MAP4K4: variants seen among roughly 807,000 people sequenced by gnomAD.
MAP4K4 encodes the protein HPK/GCK-like kinase HGK.
Under a neutral mutation model 189.6 loss-of-function variants are expected in MAP4K4, and 38 were observed. That is an observed-to-expected ratio of 0.20 (90% CI 0.15 to 0.26). The LOEUF (loss-of-function observed/expected upper bound fraction) is 0.26, where lower values mean the gene tolerates loss of function less well. MAP4K4 is among the 10% of genes least tolerant of loss of function. The pLI, the probability that MAP4K4 is intolerant of heterozygous loss-of-function variation, is 1.00. For synonymous variants in MAP4K4, 610 were observed against 624.3 expected (o/e 0.98, Z 0.34); for missense variants, 1,054 against 1,726.9 (o/e 0.61, Z 6.91).
chr2:101,713,032 T>G (rs2046452327), intron 2 of MAP4K4, among the ~76,000 whole-genome samples: 1 of 151,168 alleles, frequency 6.6e-6, no homozygotes, highest in East Asian at 2.0e-4. Flanking sequence ...GCCTCCTGAG[T>G]AGCTGGAATT....
intron 2 of MAP4K4, among the ~76,000 whole-genome samples, chr2:101,730,909 C>T (rs1026228731): frequency 2.0e-5 from 3 of 151,550 alleles, no homozygotes; most frequent in Middle Eastern, 6.8e-3. Flanking sequence ...TAGCCGGGCA[C>T]GATGGCGGGC....
At position 101,839,853 on chromosome 2, in the gene MAP4K4, C is replaced by T. The variant is rs749282459; in HGVS notation, c.808C>T (p.Leu270=). 3.1e-6 allele frequency: 5 copies of T among 1,604,756 alleles called. No individual in the cohort carries two copies. In the East Asian group the frequency reaches 8.9e-5, roughly 29 times the overall value. Residue 270 remains leucine, a synonymous_variant, in exon 10 of 33, where the codon CTG becomes TTG. Coordinates refer to ENST00000324219, the Ensembl canonical transcript of MAP4K4. ...GTTTTTTAGTTTTATAGAAGGGTGC[C>T]TGGTGAAGAATTACATGCAGCGGCC...
At chr2:101,879,483 T>C (rs2098321227) in intron 27 of MAP4K4, among the ~76,000 whole-genome samples, 1 of 152,144 alleles carries the variant, frequency 6.6e-6, no homozygotes, top group Non-Finnish European at 1.5e-5. Flanking sequence ...AAACAAAACA[T>C]TATATATAAA....
intron 9 of MAP4K4, among the ~76,000 whole-genome samples, chr2:101,836,637 A>G (rs115182440): frequency 1.3e-3 from 203 of 152,248 alleles, no homozygotes; most frequent in African/African-American, 4.7e-3. Context: ...ATTTCCTCAC[A>G]TGTAGTAGGA....
rs2097576234 is a variant in MAP4K4, at chr2:101,859,612, T to C, written c.1483-31T>C. 3.3e-6 allele frequency: 5 copies of C among 1,507,092 alleles called. No individual in the cohort carries two copies. The African/African-American group carries it at 4.1e-5, about 12-fold the overall frequency. The allele number at this position is 1,507,092 out of a possible 1,614,324, so 93.4% of individuals were successfully genotyped here. A position where few individuals can be genotyped will look rare whatever the true frequency, so the allele number is the denominator to read the frequency against. On this transcript the variant is annotated intron_variant, in intron 14 of 32. Transcript: ENST00000324219. ...AAGAGGCGAGCTCTCCAGTGTCCCA[T>C]AGATTTAGTGTTATCCTCTCCCTCT...
chr2:101,862,497 G>A (rs963547534), intron 16 of MAP4K4, among the ~76,000 whole-genome samples: 2 of 152,144 alleles, frequency 1.3e-5, no homozygotes, highest in African/African-American at 2.4e-5. Flanking sequence ...ACTTTGCACT[G>A]CTTGAAGATT....
chr2:101,801,667 C>T (rs2148985104), intron 3 of MAP4K4, among the ~76,000 whole-genome samples: 1 of 152,302 alleles, frequency 6.6e-6, no homozygotes, highest in South Asian at 2.1e-4. Context: ...ATCCCAGATG[C>T]CAGCCAAAGG....
intron 12 of MAP4K4, among the ~76,000 whole-genome samples, chr2:101,846,556 C>G (rs184619405): frequency 6.6e-6 from 1 of 151,968 alleles, no homozygotes; most frequent in South Asian, 2.1e-4. Flanking sequence ...TGAAGGTGAG[C>G]GATGGTAGAA....
At chr2:101,731,386 G>A (rs367979704) in intron 2 of MAP4K4, among the ~76,000 whole-genome samples, 12 of 152,022 alleles carry the variant, frequency 7.9e-5, no homozygotes, top group African/African-American at 2.9e-4. Context: ...AAAGTGCTGG[G>A]ATTACAGGTG....
rs139186946 is a variant in MAP4K4 at position 101,745,021 on chromosome 2, A to G, written c.124-45699A>G. Reference sequence around the variant, plus strand: ...GTTGATGGTGCAGCATCACCTTTTTAGTATGCTGCTTCACTTACTGGATGA... The same window carrying G: ...GTTGATGGTGCAGCATCACCTTTTTGGTATGCTGCTTCACTTACTGGATGA... On this transcript the variant is annotated intron_variant, in intron 2 of 32. Coordinates refer to ENST00000324219, the Ensembl canonical transcript of MAP4K4. 6.6e-3 allele frequency among the ~76,000 whole-genome samples: 1,010 copies of G among 152,268 alleles called. 9 individuals carry two copies. Among genetic ancestry groups the G allele is most frequent in the African/African-American group, 0.024 (977 of 41,548 alleles).
At chr2:101,864,811 G>T in intron 17 of MAP4K4, 119 bp from the exon 18 acceptor site, 1 of 663,862 alleles carries the variant, frequency 1.5e-6, no homozygotes, top group Non-Finnish European at 2.7e-6. Flanking sequence ...GGGAGTGGAG[G>T]TGATAGGAAG....
At chr2:101,750,017 C>T (rs1421649323) in intron 2 of MAP4K4, among the ~76,000 whole-genome samples, 1 of 147,092 alleles carries the variant, frequency 6.8e-6, no homozygotes, top group African/African-American at 2.6e-5. Context: ...ACAACAGGTG[C>T]TGGAGAGGAT....
At chr2:101,847,260 A>G (rs1218553256) in intron 12 of MAP4K4, among the ~76,000 whole-genome samples, 2 of 152,210 alleles carry the variant, frequency 1.3e-5, no homozygotes, top group Non-Finnish European at 2.9e-5. Flanking sequence ...TATATACAGT[A>G]TATGTTACTG....
chr2:101,829,806 A>G, intron 6 of MAP4K4: 2 of 475,164 alleles, frequency 4.2e-6, no homozygotes, highest in South Asian at 2.5e-5. Context: ...GGTTCTCTAT[A>G]CAGCAGCCAG....
At chr2:101,787,450 G>A (rs763370093) in intron 2 of MAP4K4, among the ~76,000 whole-genome samples, 7 of 152,190 alleles carry the variant, frequency 4.6e-5, no homozygotes, top group Admixed American at 2.0e-4. Context: ...AAGGAGGGTC[G>A]TGTGTCGTAG....
rs1027667654 is a variant in MAP4K4 at position 101,850,810 on chromosome 2, C to T, written c.1234-5167C>T. 7.9e-5 allele frequency among the ~76,000 whole-genome samples: 12 copies of T among 152,220 alleles called. No individual in the cohort carries two copies. In the East Asian group the frequency reaches 1.7e-3, roughly 22 times the overall value. ...TTATATTTGCAGTTAAATTTTGTAG[C>T]GAGTTTAATTCCTCATACGTGATTT... On this transcript the variant is annotated intron_variant, in intron 12 of 32. Transcript: ENST00000324219.
intron 2 of MAP4K4, among the ~76,000 whole-genome samples, chr2:101,760,034 T>TGG (rs1368165089): frequency 1.3e-5 from 2 of 151,842 alleles, no homozygotes; most frequent in Non-Finnish European, 2.9e-5. Context: ...TTTGTAGAGA[T>TGG]GGGGTTTCAC....
chr2:101,822,127 A>C (rs539966370), intron 3 of MAP4K4, among the ~76,000 whole-genome samples: 1 of 152,294 alleles, frequency 6.6e-6, no homozygotes, highest in East Asian at 1.9e-4. Context: ...TTTTTTGTTT[A>C]AATAAATAGG....
intron 13 of MAP4K4, among the ~76,000 whole-genome samples, chr2:101,857,435 T>C (rs998225573): frequency 5.3e-5 from 8 of 152,210 alleles, no homozygotes; most frequent in Non-Finnish European, 1.2e-4. Context: ...GAGGACATGA[T>C]TTTTCCAGCT....
Sources: gnomAD v4.1 joint callset for allele counts (sites outside exome capture counted in the v4.1 genomes callset) on GRCh38, gnomAD v4.1.1 for gene constraint, MANE v1.5 for transcripts, NCBI Gene and HGNC (gene_info 2026-07-23, HGNC 2026-07-21) for gene names.